NRG1: variants seen among roughly 807,000 people sequenced by gnomAD.
NRG1 encodes neuregulin 1.
NRG1 carries 18 observed loss-of-function variants against 63.8 expected under a neutral mutation model. The observed-to-expected ratio is 0.28, with a 90% CI of 0.19 to 0.42. The LOEUF is 0.42. NRG1 is among the 10% of genes least tolerant of loss of function. The pLI, the probability that NRG1 is intolerant of heterozygous loss-of-function variation, is 1.00. For synonymous variants in NRG1, 302 were observed against 301.3 expected (o/e 1.00, Z -0.02); for missense variants, 762 against 814.7 (o/e 0.94, Z 0.79).
chr8:32,040,592 TG>T (rs1819781245), intron 1 of NRG1, among the ~76,000 whole-genome samples: 1 of 150,542 alleles, frequency 6.6e-6, no homozygotes, highest in Non-Finnish European at 1.5e-5. Flanking sequence ...TGTGTGTGTG[TG>T]TATATGTATA....
At chr8:32,654,520 T>G (rs973362927) in intron 5 of NRG1, among the ~76,000 whole-genome samples, 1 of 151,800 alleles carries the variant, frequency 6.6e-6, no homozygotes, top group Non-Finnish European at 1.5e-5. Context: ...TCCCAGCTAC[T>G]CGGGAGGCTG....
chr8:31,677,119 C>T (rs558051994), intron 1 of NRG1, among the ~76,000 whole-genome samples: 3 of 152,192 alleles, frequency 2.0e-5, no homozygotes, highest in Non-Finnish European at 2.9e-5. Flanking sequence ...CACTAAAATC[C>T]CTGTATGAAA....
At chr8:32,242,486 G>GA (rs1848203996) in intron 1 of NRG1, among the ~76,000 whole-genome samples, 1 of 152,010 alleles carries the variant, frequency 6.6e-6, no homozygotes, top group Admixed American at 6.6e-5. Context: ...AAAGAAAAAA[G>GA]AAAAAGAAAA....
At chr8:31,848,856 A>G (rs535704899) in intron 1 of NRG1, among the ~76,000 whole-genome samples, 32 of 152,318 alleles carry the variant, frequency 2.1e-4, no homozygotes, top group African/African-American at 6.0e-4. Context: ...TTGTACAATC[A>G]CTTCATTATA....
chr8:32,486,158 C>T (rs6981882), intron 1 of NRG1, among the ~76,000 whole-genome samples: 20,756 of 152,116 alleles, frequency 0.14, 1,682 homozygotes, highest in Admixed American at 0.26. Context: ...TCTCAAACTC[C>T]TGACCTCAAG....
chr8:31,739,675 C>T (rs1262516202), intron 1 of NRG1, among the ~76,000 whole-genome samples: 1 of 152,060 alleles, frequency 6.6e-6, no homozygotes, highest in Non-Finnish European at 1.5e-5. Flanking sequence ...TTGGGGGGAG[C>T]ATGACATCTA....
chr8:32,107,092 C>T (rs553118569), intron 1 of NRG1, among the ~76,000 whole-genome samples: 3 of 150,876 alleles, frequency 2.0e-5, no homozygotes, highest in Admixed American at 6.6e-5. Context: ...ACAAATTAGC[C>T]AGGAGTGGTG....
At chr8:31,838,059 A>C (rs991957800) in intron 1 of NRG1, among the ~76,000 whole-genome samples, 2 of 152,086 alleles carry the variant, frequency 1.3e-5, no homozygotes, top group African/African-American at 2.4e-5. Flanking sequence ...TGTTTTCCAC[A>C]ATGGTAGTAC....
At chr8:31,931,283 AAAAT>A (rs905005166) in intron 1 of NRG1, among the ~76,000 whole-genome samples, 5 of 152,072 alleles carry the variant, frequency 3.3e-5, no homozygotes, top group Admixed American at 6.5e-5. Flanking sequence ...GTGGGATCCC[AAAAT>A]AAATAAATAA....
chr8:32,727,884 T>C, intron 5 of NRG1, 65 bp from the exon 6 acceptor site: 1 of 1,522,238 alleles, frequency 6.6e-7, no homozygotes, highest in East Asian at 2.3e-5. Context: ...TAATTTAAGA[T>C]TAAAGGCTGC....
intron 3 of NRG1, among the ~76,000 whole-genome samples, chr8:32,607,321 G>C (rs12680339): frequency 6.6e-6 from 1 of 152,048 alleles, no homozygotes; most frequent in South Asian, 2.1e-4. Context: ...TTTGAAGCTC[G>C]TTCTCCTTAG....
chr8:32,555,820 C>T (rs995374629), intron 1 of NRG1, among the ~76,000 whole-genome samples: 7 of 152,200 alleles, frequency 4.6e-5, no homozygotes, highest in African/African-American at 1.7e-4. Flanking sequence ...TATGGTTTAC[C>T]TGCTTATGTT....
intron 5 of NRG1, among the ~76,000 whole-genome samples, chr8:32,651,893 G>A (rs975550458): frequency 8.5e-5 from 13 of 152,166 alleles, no homozygotes; most frequent in South Asian, 8.3e-4. Flanking sequence ...AATCATAGCC[G>A]ATTACAGCCT....
intron 1 of NRG1, among the ~76,000 whole-genome samples, chr8:31,985,014 A>G (rs756696606): frequency 5.9e-5 from 9 of 152,140 alleles, no homozygotes; most frequent in Non-Finnish European, 8.8e-5. Flanking sequence ...GACTGCAAGA[A>G]GATGAAATAA....
intron 1 of NRG1, among the ~76,000 whole-genome samples, chr8:31,920,692 T>G (rs1212102747): frequency 6.6e-6 from 1 of 152,082 alleles, no homozygotes; most frequent in African/African-American, 2.4e-5. Context: ...GGATGTTGGT[T>G]TGTCTGTTTC....
chr8:31,941,401 G>A (rs1299875413), intron 1 of NRG1, among the ~76,000 whole-genome samples: 1 of 151,970 alleles, frequency 6.6e-6, no homozygotes, highest in Non-Finnish European at 1.5e-5. Context: ...CATACCTTAA[G>A]GTAATAAAAA....
chr8:31,821,657 T>C (rs1824016328), intron 1 of NRG1, among the ~76,000 whole-genome samples: 1 of 152,154 alleles, frequency 6.6e-6, no homozygotes, highest in Admixed American at 6.5e-5. Flanking sequence ...ACCCTCTACT[T>C]ACAGGAAATG....
At chr8:32,244,935 T>C (rs1848465294) in intron 1 of NRG1, among the ~76,000 whole-genome samples, 1 of 152,136 alleles carries the variant, frequency 6.6e-6, no homozygotes, top group Admixed American at 6.6e-5. Context: ...TCCAGCAAAT[T>C]CCAAAAGGTG....
At chr8:32,757,108 G>A (rs1015138431) in intron 9 of NRG1, among the ~76,000 whole-genome samples, 2 of 152,128 alleles carry the variant, frequency 1.3e-5, no homozygotes, top group African/African-American at 4.8e-5. Flanking sequence ...TCTAAATGAT[G>A]TCAAGCCCTC....
Sources: allele counts gnomAD v4.1 joint callset (sites outside exome capture counted in the v4.1 genomes callset), GRCh38; gene constraint gnomAD v4.1.1; transcripts MANE v1.5; gene names NCBI Gene and HGNC (gene_info 2026-07-23, HGNC 2026-07-21).